Variants in ABCA13 observed in about 807,000 individuals in gnomAD.
ABCA13 encodes the protein ATP-binding cassette sub-family A member 13.
A neutral mutation model predicts 478.7 loss-of-function variants in ABCA13; 476 were observed. That is an observed-to-expected ratio of 0.99 (90% CI 0.92 to 1.07). The LOEUF is 1.07. Ranked by LOEUF, ABCA13 falls within the 50% of genes least tolerant of loss-of-function variation. ABCA13 has a pLI of 0.00. For synonymous variants in ABCA13, 2,252 were observed against 2,158.9 expected (o/e 1.04, Z -1.20); for missense variants, 6,060 against 5,910.6 (o/e 1.03, Z -0.83).
chr7:48,458,731 G>C (rs1034012914), intron 43 of ABCA13, among the ~76,000 whole-genome samples: 1 of 152,090 alleles, frequency 6.6e-6, no homozygotes. Context: ...CAAATGAAGG[G>C]AACAGATGAC....
At chr7:48,592,414 A>G (rs1162608820) in intron 57 of ABCA13, among the ~76,000 whole-genome samples, 2 of 151,962 alleles carry the variant, frequency 1.3e-5, no homozygotes, top group African/African-American at 2.4e-5. Context: ...AATTTCTAGT[A>G]TCATACCATG....
At chr7:48,468,949 G>T (rs1288452307) in intron 44 of ABCA13, among the ~76,000 whole-genome samples, 1 of 152,186 alleles carries the variant, frequency 6.6e-6, no homozygotes, top group Admixed American at 6.5e-5. Context: ...AATTTAAAAT[G>T]TGTTAAAGTA....
At chr7:48,458,743 C>T (rs1392642925) in intron 43 of ABCA13, among the ~76,000 whole-genome samples, 2 of 152,160 alleles carry the variant, frequency 1.3e-5, no homozygotes, top group East Asian at 1.9e-4. Flanking sequence ...ACAGATGACA[C>T]CCCCACAGCT....
At chr7:48,480,965 C>T in intron 45 of ABCA13, 71 bp from the exon 46 acceptor site, 1 of 947,884 alleles carries the variant, frequency 1.1e-6, no homozygotes, top group South Asian at 1.4e-5. Context: ...CATGTAGTTT[C>T]AAGTAATGTC....
At chr7:48,235,093 A>G (rs1789748652) in intron 8 of ABCA13, among the ~76,000 whole-genome samples, 1 of 152,166 alleles carries the variant, frequency 6.6e-6, no homozygotes, top group Non-Finnish European at 1.5e-5. Flanking sequence ...TGCAGCCAGC[A>G]GACCCTCATG....
At chr7:48,545,210 CTG>C (rs1465864496) in intron 55 of ABCA13, among the ~76,000 whole-genome samples, 1 of 151,814 alleles carries the variant, frequency 6.6e-6, no homozygotes, top group Admixed American at 6.6e-5. Context: ...AACTGAAACT[CTG>C]TATAAAGCTA....
chr7:48,241,376 G>A (rs1790809973), intron 10 of ABCA13, among the ~76,000 whole-genome samples: 2 of 152,222 alleles, frequency 1.3e-5, no homozygotes, highest in Admixed American at 6.5e-5. Context: ...AATTCATTTC[G>A]GAGGCATTTT....
intron 48 of ABCA13, among the ~76,000 whole-genome samples, chr7:48,489,844 T>C (rs1829686762): frequency 6.6e-6 from 1 of 152,216 alleles, no homozygotes; most frequent in African/African-American, 2.4e-5. Context: ...GGTCCATTTC[T>C]GGTATCCAGA....
At chr7:48,456,768 G>A (rs1293639873) in intron 43 of ABCA13, among the ~76,000 whole-genome samples, 1 of 151,708 alleles carries the variant, frequency 6.6e-6, no homozygotes, top group Non-Finnish European at 1.5e-5. Context: ...AATTTATTTA[G>A]ACAGTCTCTT....
chr7:48,598,626 G>A (rs1790545043), intron 58 of ABCA13, among the ~76,000 whole-genome samples: 1 of 152,014 alleles, frequency 6.6e-6, no homozygotes, highest in Admixed American at 6.6e-5. Context: ...TGTATTTCCA[G>A]TCTATGGCTG....
At chr7:48,514,446 CG>C (rs1480374447) in intron 51 of ABCA13, among the ~76,000 whole-genome samples, 1 of 152,176 alleles carries the variant, frequency 6.6e-6, no homozygotes, top group Non-Finnish European at 1.5e-5. Flanking sequence ...CAATTTGTCA[CG>C]TGCTGTTCCA....
At chr7:48,560,217 C>T (rs752693605) in intron 55 of ABCA13, among the ~76,000 whole-genome samples, 1 of 152,184 alleles carries the variant, frequency 6.6e-6, no homozygotes, top group Non-Finnish European at 1.5e-5. Flanking sequence ...TGACTCCCCT[C>T]CAGCTAGGGC....
intron 5 of ABCA13, among the ~76,000 whole-genome samples, chr7:48,225,122 TGCC>T: frequency 2.8e-5 from 3 of 105,432 alleles, no homozygotes; most frequent in African/African-American, 6.9e-5. Context: ...CCTGCCTGCC[TGCC>T]TGCCTGCCTG....
intron 36 of ABCA13, 137 bp from the exon 37 acceptor site, chr7:48,388,903 G>T (rs974878604): frequency 9.2e-6 from 9 of 982,898 alleles, no homozygotes; most frequent in Non-Finnish European, 1.3e-5. Context: ...TCTTGCTAAA[G>T]AAAGATTTTT....
intron 24 of ABCA13, among the ~76,000 whole-genome samples, chr7:48,310,563 G>T (rs1042539974): frequency 4.6e-5 from 7 of 152,126 alleles, no homozygotes; most frequent in Non-Finnish European, 8.8e-5. Flanking sequence ...GTTAGGTGCT[G>T]CTCCCTGCAC....
rs771485986 is a variant in ABCA13 at position 48,298,505 on chromosome 7, G to A, written c.9321+18G>A. Reference sequence around the variant, plus strand: ...ACTCCAAGGTGTGGTGCTGTTTCTTGTCTGTCTGTTTTGCTCATGGAAGGA... The same window carrying A: ...ACTCCAAGGTGTGGTGCTGTTTCTTATCTGTCTGTTTTGCTCATGGAAGGA... On this transcript the variant is annotated intron_variant, in intron 23 of 61. Coordinates refer to ENST00000435803, the MANE Select transcript of ABCA13 (RefSeq NM_152701.5). 7.5e-6 allele frequency: 12 copies of A among 1,606,166 alleles called. No homozygotes were observed. In the South Asian group the frequency reaches 1.4e-4, roughly 18 times the overall value.
At chr7:48,204,350 C>CA (rs1453387505) in intron 3 of ABCA13, among the ~76,000 whole-genome samples, 2 of 151,966 alleles carry the variant, frequency 1.3e-5, no homozygotes, top group Non-Finnish European at 2.9e-5. Flanking sequence ...GCTGGGACTA[C>CA]AGGCGGGTGC....
Position 48,278,411 on chromosome 7 carries a change from A to G in ABCA13, c.7217A>G (p.Asn2406Ser), listed in dbSNP as rs774314901. 1.7e-5 allele frequency: 27 copies of G among 1,613,812 alleles called. No individual in the cohort carries two copies. The South Asian group carries it at 2.5e-4, about 15-fold the overall frequency. ...AAGTCTGAGGACCTCTTCAAACTCA[A>G]TCAAGATCTTGGGTCAGCTCTTCAC... is the stretch of plus-strand genomic sequence containing the variant. ...VNKSEDLFKL[N>S]QDLGSALHLV... The change falls in exon 18 of 62, where the codon AAT becomes AGT. Residue 2406 changes from asparagine (N) to serine (S), a missense_variant. By Grantham distance (46) the Asn-to-Ser change is conservative. Coordinates refer to ENST00000435803, the MANE Select transcript of ABCA13 (RefSeq NM_152701.5).
At chr7:48,428,719 T>C (rs1009106650) in intron 42 of ABCA13, among the ~76,000 whole-genome samples, 1 of 152,226 alleles carries the variant, frequency 6.6e-6, no homozygotes, top group African/African-American at 2.4e-5. Context: ...TGTAGTAGTT[T>C]CTCATTGTGG....
Sources: gnomAD v4.1 joint callset for allele counts (sites outside exome capture counted in the v4.1 genomes callset) on GRCh38, gnomAD v4.1.1 for gene constraint, MANE v1.5 for transcripts, NCBI Gene and HGNC (gene_info 2026-07-23, HGNC 2026-07-21) for gene names.